COL8A1: variants seen among roughly 807,000 people sequenced by gnomAD.
COL8A1 encodes the protein collagen type VIII alpha 1 chain.
In COL8A1, 21 loss-of-function variants were observed where a neutral mutation model predicts 42.7. That is an observed-to-expected ratio of 0.49 (90% CI 0.35 to 0.71). The LOEUF is 0.71. Among genes scored for constraint, COL8A1 ranks in the 30% least tolerant of loss-of-function variants. The pLI, the probability that COL8A1 is intolerant of heterozygous loss-of-function variation, is 0.01. For synonymous variants in COL8A1, 367 were observed against 369.1 expected (o/e 0.99, Z 0.06); for missense variants, 788 against 962.4 (o/e 0.82, Z 2.40).
chr3:99,749,267 T>C, intron 2 of COL8A1, among the ~76,000 whole-genome samples: 1 of 152,250 alleles, frequency 6.6e-6, no homozygotes, highest in Non-Finnish European at 1.5e-5. Context: ...ACACCAAGGT[T>C]CTCTCACTTC....
At chr3:99,753,917 C>A (rs1219053475) in intron 2 of COL8A1, among the ~76,000 whole-genome samples, 1 of 152,156 alleles carries the variant, frequency 6.6e-6, no homozygotes, top group Non-Finnish European at 1.5e-5. Flanking sequence ...GTTGCCCAGT[C>A]AGTAAAATGG....
intron 1 of COL8A1, among the ~76,000 whole-genome samples, chr3:99,654,338 G>T (rs1458887799): frequency 6.6e-6 from 1 of 152,076 alleles, no homozygotes; most frequent in Non-Finnish European, 1.5e-5. Flanking sequence ...ACAATACTTG[G>T]CATCCTTCAA....
intron 2 of COL8A1, among the ~76,000 whole-genome samples, chr3:99,768,366 T>C (rs946736609): frequency 6.6e-6 from 1 of 152,202 alleles, no homozygotes; most frequent in Admixed American, 6.5e-5. Flanking sequence ...AGAGCTCTCA[T>C]TTATGAATCA....
chr3:99,727,630 G>A (rs537104069), intron 1 of COL8A1, among the ~76,000 whole-genome samples: 17 of 151,890 alleles, frequency 1.1e-4, no homozygotes, highest in African/African-American at 2.4e-4. Context: ...GTAGATATGC[G>A]GCATTATTTC....
chr3:99,642,535 G>A (rs1937521490), intron 1 of COL8A1, among the ~76,000 whole-genome samples: 1 of 152,172 alleles, frequency 6.6e-6, no homozygotes, highest in Non-Finnish European at 1.5e-5. Flanking sequence ...TGTAAAATAT[G>A]AACACACACC....
At chr3:99,739,231 G>A (rs184487822) in intron 1 of COL8A1, among the ~76,000 whole-genome samples, 20 of 152,230 alleles carry the variant, frequency 1.3e-4, no homozygotes, top group African/African-American at 4.6e-4. Context: ...GTTCCTATTC[G>A]GCCATCTTGG....
At chr3:99,654,232 T>C (rs1937942486) in intron 1 of COL8A1, among the ~76,000 whole-genome samples, 2 of 152,230 alleles carry the variant, frequency 1.3e-5, no homozygotes. Context: ...GTTGATTAGA[T>C]GGTGCCCACC....
chr3:99,710,455 A>G (rs1471063558), intron 1 of COL8A1, among the ~76,000 whole-genome samples: 1 of 152,204 alleles, frequency 6.6e-6, no homozygotes, highest in Non-Finnish European at 1.5e-5. Context: ...GTTATGTCCA[A>G]ATAAAAGGGA....
At chr3:99,699,986 G>A (rs1286467530) in intron 1 of COL8A1, among the ~76,000 whole-genome samples, 1 of 152,204 alleles carries the variant, frequency 6.6e-6, no homozygotes, top group African/African-American at 2.4e-5. Flanking sequence ...CAAGATTAGA[G>A]AGCAGTGCCT....
intron 2 of COL8A1, among the ~76,000 whole-genome samples, chr3:99,748,704 C>A (rs192389297): frequency 1.5e-4 from 23 of 152,252 alleles, no homozygotes; most frequent in African/African-American, 4.3e-4. Flanking sequence ...GTAGCTGATA[C>A]AAATTCCCTA....
intron 2 of COL8A1, among the ~76,000 whole-genome samples, chr3:99,782,482 C>T (rs1172762447): frequency 1.3e-5 from 2 of 152,122 alleles, no homozygotes; most frequent in Non-Finnish European, 2.9e-5. Flanking sequence ...ACCTCCACCT[C>T]CTGGGTTCAA....
intron 2 of COL8A1, among the ~76,000 whole-genome samples, chr3:99,752,750 C>A (rs1209696586): frequency 6.6e-6 from 1 of 150,950 alleles, no homozygotes; most frequent in Non-Finnish European, 1.5e-5. Flanking sequence ...ACAGTGAATT[C>A]ATCATACTCA....
chr3:99,674,072 A>G (rs1391475830), intron 1 of COL8A1, among the ~76,000 whole-genome samples: 1 of 152,032 alleles, frequency 6.6e-6, no homozygotes, highest in Admixed American at 6.6e-5. Context: ...AGGCATGTGG[A>G]AAGAAACAAT....
intron 2 of COL8A1, among the ~76,000 whole-genome samples, chr3:99,785,425 A>C (rs1425384292): frequency 6.6e-6 from 1 of 152,230 alleles, no homozygotes; most frequent in African/African-American, 2.4e-5. Flanking sequence ...CAAGAAAAAA[A>C]CATAAGCTTG....
At chr3:99,763,470 G>T (rs704572) in intron 2 of COL8A1, among the ~76,000 whole-genome samples, 1 of 151,770 alleles carries the variant, frequency 6.6e-6, no homozygotes. Context: ...AATAATAACA[G>T]TTAATACCTA....
At chr3:99,760,274 A>G (rs1941342194) in intron 2 of COL8A1, among the ~76,000 whole-genome samples, 1 of 152,140 alleles carries the variant, frequency 6.6e-6, no homozygotes, top group Non-Finnish European at 1.5e-5. Flanking sequence ...TCCATCTTTG[A>G]GGAATTCCTG....
chr3:99,763,936 C>T (rs1334030978), intron 2 of COL8A1, among the ~76,000 whole-genome samples: 1 of 152,176 alleles, frequency 6.6e-6, no homozygotes, highest in Non-Finnish European at 1.5e-5. Context: ...GCCAGCTCAG[C>T]CAATTGGTCA....
At chr3:99,722,238 A>G (rs1432932880) in intron 1 of COL8A1, among the ~76,000 whole-genome samples, 2 of 152,180 alleles carry the variant, frequency 1.3e-5, no homozygotes, top group African/African-American at 4.8e-5. Context: ...GACAGGAAAC[A>G]CATCCATGTG....
At chr3:99,643,734 C>T (rs1398767513) in intron 1 of COL8A1, among the ~76,000 whole-genome samples, 1 of 152,160 alleles carries the variant, frequency 6.6e-6, no homozygotes, top group Non-Finnish European at 1.5e-5. Context: ...CCCATATTTA[C>T]TTGAGTTCTA....
Sources: allele counts gnomAD v4.1 joint callset (sites outside exome capture counted in the v4.1 genomes callset), GRCh38; gene constraint gnomAD v4.1.1; transcripts MANE v1.5; gene names NCBI Gene and HGNC (gene_info 2026-07-23, HGNC 2026-07-21).